CDK8: variants seen among roughly 807,000 people sequenced by gnomAD.
The protein encoded by CDK8 is cyclin dependent kinase 8.
Under a neutral mutation model 71.5 loss-of-function variants are expected in CDK8, and 29 were observed. That is an observed-to-expected ratio of 0.41 (90% CI 0.30 to 0.55). The LOEUF is 0.55. Among genes scored for constraint, CDK8 ranks in the 20% least tolerant of loss-of-function variants. The probability of loss-of-function intolerance (pLI) is 0.37; values close to 1 mark genes in which losing one functional copy is unlikely to be tolerated. For synonymous variants in CDK8, 161 were observed against 192.1 expected (o/e 0.84, Z 1.34); for missense variants, 288 against 572.6 (o/e 0.50, Z 5.07).
intron 6 of CDK8, among the ~76,000 whole-genome samples, chr13:26,391,593 C>A (rs939282044): frequency 1.3e-5 from 2 of 152,196 alleles, no homozygotes; most frequent in Non-Finnish European, 2.9e-5. Flanking sequence ...TCCTACTTAG[C>A]TGCCTATGTG....
chr13:26,278,928 A>G (rs567982314), intron 1 of CDK8, among the ~76,000 whole-genome samples: 1 of 152,316 alleles, frequency 6.6e-6, no homozygotes, highest in East Asian at 1.9e-4. Context: ...TGTATTAGGT[A>G]TCATAAGTAA....
At chr13:26,349,530 G>A (rs181293319) in intron 3 of CDK8, among the ~76,000 whole-genome samples, 18 of 151,976 alleles carry the variant, frequency 1.2e-4, no homozygotes, top group South Asian at 4.2e-4. Flanking sequence ...CTTTTATTTC[G>A]TTGTATAAAG....
At chr13:26,257,270 A>C (rs1392784894) in intron 1 of CDK8, among the ~76,000 whole-genome samples, 1 of 152,202 alleles carries the variant, frequency 6.6e-6, no homozygotes, top group Non-Finnish European at 1.5e-5. Context: ...ATTGAAATGA[A>C]TGTATGTAAA....
intron 1 of CDK8, among the ~76,000 whole-genome samples, chr13:26,300,838 G>C (rs1214292387): frequency 6.6e-6 from 1 of 152,104 alleles, no homozygotes; most frequent in Non-Finnish European, 1.5e-5. Flanking sequence ...TTAAGACACA[G>C]GTTTGTAAGT....
chr13:26,356,737 A>G (rs1051666206), intron 4 of CDK8, among the ~76,000 whole-genome samples: 4 of 152,364 alleles, frequency 2.6e-5, no homozygotes, highest in African/African-American at 9.6e-5. Flanking sequence ...TCTCAAGAAC[A>G]TTGTTCAGAA....
chr13:26,337,442 G>T (rs1297008053), intron 1 of CDK8, 125 bp from the exon 2 acceptor site: 2 of 348,102 alleles, frequency 5.7e-6, no homozygotes, highest in East Asian at 1.0e-4. Flanking sequence ...GTACGACATT[G>T]TATGATTATA....
chr13:26,357,193 A>G (rs1873932155), intron 4 of CDK8, among the ~76,000 whole-genome samples: 1 of 152,240 alleles, frequency 6.6e-6, no homozygotes, highest in Non-Finnish European at 1.5e-5. Context: ...ATTATCACAT[A>G]GAAGCAGATC....
In CDK8 at chr13:26,401,635, T is replaced by C. The variant is rs775852754; in HGVS notation, c.1269+11T>C. The stretch of plus-strand genomic sequence containing the variant: ...ACCTCAGACTATCAGGTATTCCAAG[T>C]TTATTTTGTATTGACTGCATGTCAG... On this transcript the variant is annotated intron_variant, in intron 12 of 12. Coordinates refer to ENST00000381527, the MANE Select transcript of CDK8 (RefSeq NM_001260.3). This position sits in a 1 kb window ranked among gnomAD's most constrained non-coding sequence, Gnocchi z 4.5. The C allele has an allele frequency of 1.2e-6, 2 of 1,613,550 alleles. No homozygotes were observed. Among genetic ancestry groups the C allele is most frequent in the Non-Finnish European group, 1.7e-6 (2 of 1,179,600 alleles).
intron 7 of CDK8, among the ~76,000 whole-genome samples, chr13:26,396,019 A>G (rs755466125): frequency 6.6e-6 from 1 of 152,188 alleles, no homozygotes; most frequent in African/African-American, 2.4e-5. Flanking sequence ...CTCTAGTGAC[A>G]GAAATTGAGG....
chr13:26,257,960 A>C (rs1871602702), intron 1 of CDK8, among the ~76,000 whole-genome samples: 2 of 151,630 alleles, frequency 1.3e-5, no homozygotes. Context: ...TTTGGGGCAC[A>C]TTTGTTGAGA....
intron 1 of CDK8, among the ~76,000 whole-genome samples, chr13:26,276,112 C>T (rs146452868): frequency 6.6e-5 from 10 of 152,272 alleles, no homozygotes; most frequent in South Asian, 2.1e-4. Context: ...CTGCCTGCCT[C>T]GGCCTCCCAA....
intron 1 of CDK8, among the ~76,000 whole-genome samples, chr13:26,278,296 C>T (rs1249457981): frequency 1.3e-5 from 2 of 152,066 alleles, no homozygotes; most frequent in African/African-American, 2.4e-5. Context: ...GCTGTTTTGC[C>T]TTTAAAAGTT....
chr13:26,287,259 A>G (rs1873066374), intron 1 of CDK8, among the ~76,000 whole-genome samples: 1 of 152,310 alleles, frequency 6.6e-6, no homozygotes, highest in South Asian at 2.1e-4. Context: ...ATCAACAAAC[A>G]AGTGGATAAA....
chr13:26,386,283 T>C (rs1379419299), intron 6 of CDK8, among the ~76,000 whole-genome samples: 1 of 152,242 alleles, frequency 6.6e-6, no homozygotes, highest in Non-Finnish European at 1.5e-5. Flanking sequence ...CTGCTAGGCC[T>C]TTCACCATCG....
chr13:26,318,046 G>GA (rs895874375), intron 1 of CDK8, among the ~76,000 whole-genome samples: 31 of 144,244 alleles, frequency 2.1e-4, no homozygotes, highest in East Asian at 1.8e-3. Context: ...GGTGGACTAA[G>GA]AAAAAAAAAA....
intron 2 of CDK8, among the ~76,000 whole-genome samples, chr13:26,341,990 G>T (rs1176382474): frequency 6.6e-6 from 1 of 151,930 alleles, no homozygotes; most frequent in African/African-American, 2.4e-5. Flanking sequence ...GCGCAATCTC[G>T]GCTCACTGCA....
intron 6 of CDK8, among the ~76,000 whole-genome samples, chr13:26,392,308 A>G (rs549366326): frequency 2.1e-5 from 3 of 143,600 alleles, no homozygotes; most frequent in East Asian, 4.0e-4. Context: ...TCAATAATTC[A>G]TTTGAATTTA....
chr13:26,320,542 T>C (rs1244438216), intron 1 of CDK8, among the ~76,000 whole-genome samples: 1 of 152,028 alleles, frequency 6.6e-6, no homozygotes, highest in Non-Finnish European at 1.5e-5. Context: ...TTCATGAAAA[T>C]TTTAAGTTTT....
At chr13:26,375,465 T>C (rs772589552) in intron 4 of CDK8, among the ~76,000 whole-genome samples, 27 of 152,278 alleles carry the variant, frequency 1.8e-4, no homozygotes, top group Admixed American at 2.6e-4. Flanking sequence ...ATATTGCAAA[T>C]GGAAATGCAA....
Sources: gnomAD v4.1 joint callset for allele counts (sites outside exome capture counted in the v4.1 genomes callset) on GRCh38, gnomAD v4.1.1 for gene constraint, Gnocchi (gnomAD v3.1) non-coding constraint, MANE v1.5 for transcripts, NCBI Gene and HGNC (gene_info 2026-07-23, HGNC 2026-07-21) for gene names.